The following ILDR1 variants were observed in gnomAD, a reference collection of about 807,000 sequenced individuals.
ILDR1 encodes the protein immunoglobulin like domain containing receptor 1.
A neutral mutation model predicts 62.4 loss-of-function variants in ILDR1; 56 were observed. The observed-to-expected ratio is 0.90, with a 90% confidence interval of 0.72 to 1.12. The LOEUF (loss-of-function observed/expected upper bound fraction) is 1.12, where lower values mean the gene tolerates loss of function less well. ILDR1 is among the 50% of genes most tolerant of loss of function. ILDR1 has a pLI of 0.00. For synonymous variants in ILDR1, 284 were observed against 277.8 expected (o/e 1.02, Z -0.22); for missense variants, 736 against 710.6 (o/e 1.04, Z -0.41).
rs2071865161 is a variant in ILDR1 at position 122,022,058 on chromosome 3, G to A, written c.20C>T (p.Pro7Leu). 6.2e-7 allele frequency: 1 copy of A among 1,610,720 alleles called. No homozygotes were observed. The highest frequency in any genetic ancestry group is 8.5e-7 in the Non-Finnish European group (1 of 1,178,586). Reference protein sequence around the residue: MAWPKLPAPWLLLCTWL... With the variant: MAWPKLLAPWLLLCTWL... ...GGTGCAGAGCAGCAGCCAAGGTGCGGGCAGTTTGGGCCATGCCATGCCGCC... is the reference window on the plus strand; with the variant it reads ...GGTGCAGAGCAGCAGCCAAGGTGCGAGCAGTTTGGGCCATGCCATGCCGCC... Residue 7 changes from proline (P) to leucine (L), a missense_variant, in exon 1 of 8, where the codon CCC becomes CTC. Pro to Leu is a moderately conservative substitution (Grantham distance 98, BLOSUM62 -3). Transcript: ENST00000344209.
chr3:122,001,321 G>C lies in ILDR1; in HGVS notation c.633C>G (p.Cys211Trp). 6.2e-7 allele frequency: 1 copy of C among 1,614,168 alleles called. No homozygotes were observed. Among genetic ancestry groups the C allele is most frequent in the Non-Finnish European group, 8.5e-7 (1 of 1,180,028 alleles). Reference protein sequence around the residue: ...IRCPCCPAHCCCPEEALARHR... With the variant: ...IRCPCCPAHCWCPEEALARHR... ...GTCCCCTCTCACCTTCCTCAGGACA[G>C]CAGCAGTGGGCAGGACAGCAGGGAC... The change falls in exon 5 of 8, where the codon TGC becomes TGG. Residue 211 changes from cysteine (C) to tryptophan (W), a missense_variant. Coordinates refer to ENST00000344209, the MANE Select transcript of ILDR1 (RefSeq NM_001199799.2).
chr3:122,007,945 T>C (rs2071640941), intron 1 of ILDR1, among the ~76,000 whole-genome samples: 1 of 152,188 alleles, frequency 6.6e-6, no homozygotes, highest in African/African-American at 2.4e-5. Context: ...GGCAGCACTT[T>C]TCATGCTTCT....
intron 3 of ILDR1, among the ~76,000 whole-genome samples, chr3:122,002,566 G>A (rs752256233): frequency 5.3e-5 from 8 of 152,072 alleles, no homozygotes; most frequent in Non-Finnish European, 1.2e-4. Context: ...GGTTTTTTGT[G>A]TACCTCCATT....
At chr3:122,017,390 C>T (rs1293343248) in intron 1 of ILDR1, among the ~76,000 whole-genome samples, 7 of 152,168 alleles carry the variant, frequency 4.6e-5, no homozygotes, top group South Asian at 2.1e-4. Context: ...TTATTTTCCA[C>T]CAAGGACTTC....
chr3:122,046,407 T>G, the ILDR1 span, among the ~76,000 whole-genome samples: 1 of 150,230 alleles, frequency 6.7e-6, no homozygotes, highest in South Asian at 2.2e-4. Context: ...TTGGAGTTGT[T>G]CTTCTCGAGG....
chr3:122,027,158 G>A (rs2071928651), upstream of ILDR1, among the ~76,000 whole-genome samples: 1 of 152,070 alleles, frequency 6.6e-6, no homozygotes, highest in Non-Finnish European at 1.5e-5. Context: ...TTTTAAGTTA[G>A]TATCAAGCCA....
Position 121,993,239 on chromosome 3 carries a change from A to C in ILDR1, c.1510T>G (p.Trp504Gly). Residue 504 changes from tryptophan (W) to glycine (G), a missense_variant, in exon 7 of 8, where the codon TGG becomes GGG. Transcript: ENST00000344209. ...TAGCTAGGCGGCTTCTCCTCGGGCC[A>C]GTGTGGGGAGTGCGAGCCGCGGCGG... ...AHRRGSHSPH[W>G]PEEKPPSYRS... 6.2e-7 allele frequency: 1 copy of C among 1,613,916 alleles called. No individual in the cohort carries two copies. Among genetic ancestry groups the C allele is most frequent in the Non-Finnish European group, 8.5e-7 (1 of 1,179,912 alleles).
At chr3:121,995,241 C>T (rs946397427) in intron 5 of ILDR1, among the ~76,000 whole-genome samples, 3 of 152,170 alleles carry the variant, frequency 2.0e-5, no homozygotes, top group African/African-American at 4.8e-5. Flanking sequence ...CCTATCCACG[C>T]GTGTTGGACG....
In ILDR1 at chr3:121,993,762, G is replaced by A. The variant is rs1420802822; in HGVS notation, c.987C>T (p.Ile329=). ...CTCTGATCAGTGGGGGCAGGTGGAT[G>A]ATTCTGCGTTCCACGACCTCAGAGC... is the stretch of plus-strand genomic sequence containing the variant. ...SLGSEVVERR[I]IHLPPLIRDL... The change falls in exon 7 of 8, where the codon ATC becomes ATT. Residue 329 remains isoleucine (I), a synonymous_variant. Coordinates refer to ENST00000344209, the MANE Select transcript of ILDR1 (RefSeq NM_001199799.2). The A allele has an allele frequency of 1.2e-6, 2 of 1,614,188 alleles. No homozygotes were observed. Among genetic ancestry groups the A allele is most frequent in the East Asian group, 2.2e-5 (1 of 44,878 alleles).
the ILDR1 span, among the ~76,000 whole-genome samples, chr3:122,030,219 T>G: frequency 6.6e-6 from 1 of 152,128 alleles, no homozygotes; most frequent in Admixed American, 6.5e-5. Flanking sequence ...CAAGGACAAA[T>G]GGGGGCTGCA....
At chr3:122,047,867 C>T in the ILDR1 span, among the ~76,000 whole-genome samples, 2 of 152,228 alleles carry the variant, frequency 1.3e-5, no homozygotes, top group African/African-American at 2.4e-5. Context: ...CAGAAATCAC[C>T]CGTCTTCTGC....
chr3:122,007,352 C>T, intron 1 of ILDR1, 191 bp from the exon 2 acceptor site: 3 of 1,232,796 alleles, frequency 2.4e-6, no homozygotes, highest in South Asian at 2.7e-5. Flanking sequence ...ACTCAGCAGC[C>T]TCAGAGGGAC....
At chr3:122,007,257 C>T (rs779310076) in intron 1 of ILDR1, 96 bp from the exon 2 acceptor site, 2 of 1,575,766 alleles carry the variant, frequency 1.3e-6, no homozygotes, top group Non-Finnish European at 1.7e-6. Context: ...GCCTGCCATC[C>T]TGCCTGACCT....
At chr3:122,056,831 A>G in the ILDR1 span, among the ~76,000 whole-genome samples, 1 of 152,224 alleles carries the variant, frequency 6.6e-6, no homozygotes, top group South Asian at 2.1e-4. Context: ...TTCAAAATTT[A>G]TAATTTTTGT....
chr3:122,029,512 AT>A, the ILDR1 span, among the ~76,000 whole-genome samples: 464 of 107,980 alleles, frequency 4.3e-3, 6 homozygotes, highest in African/African-American at 0.012. Context: ...TCTAAAAAAA[AT>A]ATATATATAT....
At chr3:122,046,582 A>T in the ILDR1 span, among the ~76,000 whole-genome samples, 1 of 149,156 alleles carries the variant, frequency 6.7e-6, no homozygotes, top group Non-Finnish European at 1.5e-5. Flanking sequence ...TGGTCTTTTC[A>T]CATAGTCCCA....
chr3:122,027,228 C>T (rs898255122), upstream of ILDR1, among the ~76,000 whole-genome samples: 13 of 152,094 alleles, frequency 8.5e-5, no homozygotes, highest in African/African-American at 2.9e-4. Context: ...TCACTCTTGT[C>T]ATCCAGGCTG....
rs758111234 is a variant in ILDR1 at position 121,993,322 on chromosome 3, A to G, written c.1427T>C (p.Leu476Pro). 6.2e-7 allele frequency: 1 copy of G among 1,611,666 alleles called. No homozygotes were observed. Among genetic ancestry groups the G allele is most frequent in the South Asian group, 1.1e-5 (1 of 90,986 alleles). ...RSYSPPLPSG[L>P]SSWSSEEDKE... ...GTCCTCTTCAGAGCTCCAGGAACTG[A>G]GGCCGGAGGGCAAGGGAGGAGAGTA... Residue 476 changes from leucine (L) to proline (P), a missense_variant, in exon 7 of 8, where the codon CTC (leucine) becomes CCC (proline). Physicochemically the swap from Leu to Pro is moderately conservative, Grantham distance 98 (BLOSUM62 -3). Transcript: ENST00000344209.
intron 1 of ILDR1, among the ~76,000 whole-genome samples, chr3:122,011,530 T>A (rs1235319613): frequency 6.6e-6 from 1 of 152,062 alleles, no homozygotes; most frequent in African/African-American, 2.4e-5. Flanking sequence ...CAAGCCTTGA[T>A]ATCTGCCAGG....
Sources: allele counts gnomAD v4.1 joint callset (sites outside exome capture counted in the v4.1 genomes callset), GRCh38; gene constraint gnomAD v4.1.1; transcripts MANE v1.5; gene names NCBI Gene and HGNC (gene_info 2026-07-23, HGNC 2026-07-21).